Variants in TENM4 observed in about 807,000 individuals in gnomAD.
The protein encoded by TENM4 is teneurin-4.
TENM4 carries 82 observed loss-of-function variants against 243.3 expected under a neutral mutation model. The observed-to-expected ratio is 0.34, with a 90% CI of 0.28 to 0.40. The LOEUF (loss-of-function observed/expected upper bound fraction) is 0.40. Among genes scored for constraint, TENM4 ranks in the 10% least tolerant of loss-of-function variants. TENM4 has a pLI of 1.00. For missense variants in TENM4, 3,138 were observed against 3,673.3 expected, an observed-to-expected ratio of 0.85 and a Z score of 3.77; for synonymous variants, 1,412 against 1,456.3, an observed-to-expected ratio of 0.97 and a Z score of 0.69.
chr11:79,077,515 C>A (rs544835682), intron 4 of TENM4, among the ~76,000 whole-genome samples: 43 of 152,212 alleles, frequency 2.8e-4, no homozygotes, highest in Non-Finnish European at 4.7e-4. Flanking sequence ...ATTTTTTTAA[C>A]TAAAACAAAA....
intron 1 of TENM4, among the ~76,000 whole-genome samples, chr11:79,414,157 TACACACACAC>T (rs10587790): frequency 8.0e-5 from 12 of 150,848 alleles, no homozygotes; most frequent in African/African-American, 1.2e-4. Context: ...CACACATGTG[TACACACACAC>T]ACACACACAC....
At chr11:79,187,415 A>C (rs2135153680) in intron 3 of TENM4, among the ~76,000 whole-genome samples, 1 of 152,298 alleles carries the variant, frequency 6.6e-6, no homozygotes, top group Middle Eastern at 3.4e-3. Flanking sequence ...ATTATCCTGG[A>C]CCCACTCAGC....
chr11:79,397,602 CA>C (rs1271165458), intron 1 of TENM4, among the ~76,000 whole-genome samples: 1 of 152,168 alleles, frequency 6.6e-6, no homozygotes, highest in East Asian at 1.9e-4. Flanking sequence ...AAGGATACCC[CA>C]GCAACCAGAT....
chr11:78,974,947 A>T (rs1275598943), intron 6 of TENM4, among the ~76,000 whole-genome samples: 1 of 151,748 alleles, frequency 6.6e-6, no homozygotes, highest in Non-Finnish European at 1.5e-5. Context: ...GGCTTCCCAA[A>T]GTGCTGGGAT....
chr11:79,325,998 G>A (rs556558999), intron 1 of TENM4, among the ~76,000 whole-genome samples: 10 of 152,188 alleles, frequency 6.6e-5, no homozygotes, highest in Non-Finnish European at 1.2e-4. Flanking sequence ...GCATCTCTGC[G>A]TGCGTCTCCT....
chr11:79,222,895 A>T (rs1412374844), intron 2 of TENM4, among the ~76,000 whole-genome samples: 1 of 152,066 alleles, frequency 6.6e-6, no homozygotes, highest in South Asian at 2.1e-4. Flanking sequence ...GGTTCTGGAT[A>T]TTAGGCCTTT....
intron 6 of TENM4, among the ~76,000 whole-genome samples, chr11:78,928,599 G>A (rs11602756): frequency 6.6e-6 from 1 of 152,196 alleles, no homozygotes; most frequent in Non-Finnish European, 1.5e-5. Flanking sequence ...GATCCACATA[G>A]GTTCAAATTC....
At chr11:79,238,001 C>G (rs989157073) in intron 2 of TENM4, among the ~76,000 whole-genome samples, 7 of 152,198 alleles carry the variant, frequency 4.6e-5, no homozygotes, top group Non-Finnish European at 1.0e-4. Flanking sequence ...GCTGCTAAAT[C>G]TCAGCAGTTC....
At chr11:78,874,771 T>C (rs1859224569) in intron 9 of TENM4, among the ~76,000 whole-genome samples, 1 of 152,226 alleles carries the variant, frequency 6.6e-6, no homozygotes, top group African/African-American at 2.4e-5. Context: ...TACTCCATTC[T>C]ACAGATGATC....
intron 6 of TENM4, among the ~76,000 whole-genome samples, chr11:79,037,505 A>C (rs1244453743): frequency 6.6e-6 from 1 of 152,210 alleles, no homozygotes; most frequent in African/African-American, 2.4e-5. Flanking sequence ...AGAGCCTAGA[A>C]AACAAATTCC....
At chr11:78,991,088 C>T (rs1858031855) in intron 6 of TENM4, among the ~76,000 whole-genome samples, 1 of 152,066 alleles carries the variant, frequency 6.6e-6, no homozygotes, top group Admixed American at 6.6e-5. Flanking sequence ...TGCGTGTGTG[C>T]CTGTGTATGT....
At chr11:79,007,969 C>T (rs764126043) in intron 6 of TENM4, among the ~76,000 whole-genome samples, 6 of 152,176 alleles carry the variant, frequency 3.9e-5, no homozygotes, top group African/African-American at 1.4e-4. Flanking sequence ...GGGTTTAAAA[C>T]AGCAGGGGAC....
chr11:78,971,401 C>G (rs1452752855), intron 6 of TENM4, among the ~76,000 whole-genome samples: 1 of 152,112 alleles, frequency 6.6e-6, no homozygotes, highest in Non-Finnish European at 1.5e-5. Flanking sequence ...CTCCCAGGTT[C>G]AAGTGTTTCT....
chr11:78,784,127 A>G (rs755670084), intron 16 of TENM4, among the ~76,000 whole-genome samples: 36 of 152,220 alleles, frequency 2.4e-4, no homozygotes, highest in Non-Finnish European at 4.4e-4. Context: ...CTACACGATA[A>G]TGACCTATTG....
intron 7 of TENM4, among the ~76,000 whole-genome samples, chr11:78,902,268 A>G (rs1212191585): frequency 6.6e-6 from 1 of 152,208 alleles, no homozygotes; most frequent in Non-Finnish European, 1.5e-5. Context: ...TTTTGTCTTC[A>G]TAGTTTTCTG....
intron 21 of TENM4, among the ~76,000 whole-genome samples, chr11:78,730,909 C>T (rs1468880017): frequency 1.3e-5 from 2 of 152,202 alleles, no homozygotes; most frequent in African/African-American, 4.8e-5. Flanking sequence ...AGGACTTATA[C>T]CCTGGTGAGC....
intron 18 of TENM4, among the ~76,000 whole-genome samples, chr11:78,760,573 ACT>A (rs1406252380): frequency 6.6e-6 from 1 of 152,114 alleles, no homozygotes; most frequent in Non-Finnish European, 1.5e-5. Context: ...TTAGACTGAG[ACT>A]CTGACTGCAA....
intron 1 of TENM4, among the ~76,000 whole-genome samples, chr11:79,370,901 G>A (rs1452993739): frequency 6.7e-6 from 1 of 149,898 alleles, no homozygotes; most frequent in Non-Finnish European, 1.5e-5. Context: ...ACCTAAAAGT[G>A]ACAAGGGATT....
intron 1 of TENM4, among the ~76,000 whole-genome samples, chr11:79,350,328 A>T (rs1365652173): frequency 6.6e-6 from 1 of 151,946 alleles, no homozygotes; most frequent in Non-Finnish European, 1.5e-5. Flanking sequence ...GGCACCTCAT[A>T]CGCAAATTCC....
Sources: gnomAD v4.1 joint callset for allele counts (sites outside exome capture counted in the v4.1 genomes callset) on GRCh38, gnomAD v4.1.1 for gene constraint, MANE v1.5 for transcripts, NCBI Gene and HGNC (gene_info 2026-07-23, HGNC 2026-07-21) for gene names.